The following ADARB1 variants were observed in gnomAD, a reference collection of about 807,000 sequenced individuals.
The protein encoded by ADARB1 is adenosine deaminase RNA specific B1.
ADARB1 carries 10 observed loss-of-function variants against 52.4 expected under a neutral mutation model. The observed-to-expected ratio is 0.19, with a 90% CI of 0.12 to 0.32. The LOEUF is 0.32. Ranked by LOEUF, ADARB1 falls within the 10% of genes least tolerant of loss-of-function variation. The probability of loss-of-function intolerance (pLI) is 1.00; values close to 1 mark genes in which losing one functional copy is unlikely to be tolerated. For missense variants in ADARB1, 643 were observed against 922.3 expected (o/e 0.70, Z 3.92); for synonymous variants, 349 against 371.1 (o/e 0.94, Z 0.68).
intron 1 of ADARB1, among the ~76,000 whole-genome samples, chr21:45,094,510 C>T (rs1008555146): frequency 1.1e-4 from 17 of 152,210 alleles, no homozygotes; most frequent in Non-Finnish European, 2.2e-4. Context: ...GCCTCACTCA[C>T]GTGCTGCCAG....
Position 45,176,535 on chromosome 21 carries a change from G to T in ADARB1, c.834G>T (p.Gly278=). The change falls in exon 4 of 11, where the codon GGG becomes GGT. Residue 278 remains glycine (G), a synonymous_variant. Coordinates refer to ENST00000348831, the MANE Select transcript of ADARB1 (RefSeq NM_001112.4). This position sits in a 1 kb window ranked among gnomAD's most constrained non-coding sequence, Gnocchi z 5.8. ...VVDGQFFEGS[G]RNKKLAKARA... ...ATGGTCAGTTCTTTGAAGGCTCGGG[G>T]AGAAACAAGAAGCTTGCCAAGGCCC... The T allele has an allele frequency of 1.9e-6, 3 of 1,614,238 alleles. No homozygotes were observed. Among genetic ancestry groups the T allele is most frequent in the Non-Finnish European group, 2.5e-6 (3 of 1,180,048 alleles).
chr21:45,121,435 C>T (rs2088179522), intron 1 of ADARB1, among the ~76,000 whole-genome samples: 1 of 152,194 alleles, frequency 6.6e-6, no homozygotes, highest in South Asian at 2.1e-4. Context: ...GGTCTCTTCC[C>T]TGGGCCCTGG....
At chr21:45,184,808 G>A in intron 7 of ADARB1, 115 bp from the exon 8 acceptor site, 1 of 1,124,296 alleles carries the variant, frequency 8.9e-7, no homozygotes, top group Non-Finnish European at 1.3e-6. Context: ...ATAAACATAT[G>A]CATTTATATG....
In ADARB1 at chr21:45,074,602, GGCGGCGGCGGCGGCGGCGGCA is replaced by G. The variant is rs1381965632; in HGVS notation, c.-402_-382del. ...GCTGAGGCGCTGAGGCGGCCGTGGC[GGCGGCGGCGGCGGCGGCGGCA>G]GCGGCGGCCAAGCGGCCAGGTTGGC... On this transcript the variant is annotated 5_prime_UTR_variant, in exon 1 of 11. Transcript: ENST00000348831. 4 of 145,616 alleles carry G rather than the reference GGCGGCGGCGGCGGCGGCGGCA, an allele frequency of 2.7e-5. No homozygotes were observed. Among genetic ancestry groups the G allele is most frequent in the Non-Finnish European group, 5.9e-5 (4 of 68,236 alleles). The allele number at this position is 145,616 out of a possible 1,614,324, so 9.0% of individuals were successfully genotyped here.
At chr21:45,147,372 G>T (rs1263007934) in intron 2 of ADARB1, among the ~76,000 whole-genome samples, 1 of 152,172 alleles carries the variant, frequency 6.6e-6, no homozygotes, top group African/African-American at 2.4e-5. Context: ...CTAATCCTGT[G>T]GGTTGCTTTT....
rs1203634590 is a variant in ADARB1, at chr21:45,074,768, C to CT, written c.-245_-244insT. ...AAGCGTGGGGCGCGCGTGCGGAGGA[C>CT]CAGGCGCGGCGCGGCTGCGGCTGAG... On this transcript the variant is annotated 5_prime_UTR_variant, in exon 1 of 11. Transcript: ENST00000348831. The CT allele has an allele frequency of 6.8e-6, 1 of 146,722 alleles. No individual in the cohort carries two copies. Among genetic ancestry groups the CT allele is most frequent in the Non-Finnish European group, 1.5e-5 (1 of 65,766 alleles). The allele number at this position is 146,722 out of a possible 1,614,324, so 9.1% of individuals were successfully genotyped here.
In ADARB1 at chr21:45,208,871, G is replaced by A. The variant is rs1038537374; in HGVS notation, c.1747+4135G>A. Among the ~76,000 whole-genome samples, 1 of 152,048 alleles carries A rather than the reference G, an allele frequency of 6.6e-6. No individual in the cohort carries two copies. Among genetic ancestry groups the A allele is most frequent in the Non-Finnish European group, 1.5e-5 (1 of 67,998 alleles). On this transcript the variant is annotated intron_variant, in intron 9 of 10. Coordinates refer to ENST00000348831, the MANE Select transcript of ADARB1 (RefSeq NM_001112.4). This position sits in a 1 kb window ranked among gnomAD's most constrained non-coding sequence, Gnocchi z 5.6. ...GCCATGAGTCATTGTAGAAGAGAAC[G>A]ACCACCAAGCTTGGCTCCAAGTACA...
At chr21:45,212,071 ATTTAGT>A (rs2092780175) in intron 9 of ADARB1, among the ~76,000 whole-genome samples, 1 of 152,138 alleles carries the variant, frequency 6.6e-6, no homozygotes, top group Non-Finnish European at 1.5e-5. Flanking sequence ...TTTGTTAATC[ATTTAGT>A]TTTAGTGAAA....
chr21:45,151,087 G>A (rs752951220), intron 2 of ADARB1, among the ~76,000 whole-genome samples: 3 of 152,180 alleles, frequency 2.0e-5, no homozygotes, highest in Non-Finnish European at 4.4e-5. Context: ...GGGGTCACTT[G>A]AAGTGTGTGG....
In ADARB1 at chr21:45,225,691, CT is replaced by C; in HGVS notation, c.*3497del. On this transcript the variant is annotated 3_prime_UTR_variant, in exon 11 of 11. Transcript: ENST00000348831. ...AGTGGCTCTTTTTCCTTCTCAAACA[CT>C]TTACCCCAGAAGCAGGTGGTCTGCC... is the stretch of plus-strand genomic sequence containing the variant. 1.2e-6 allele frequency: 1 copy of C among 805,156 alleles called. No homozygotes were observed. Among genetic ancestry groups the C allele is most frequent in the African/African-American group, 1.8e-5 (1 of 56,746 alleles). 49.9% of individuals were successfully genotyped at this position (805,156 alleles called of 1,614,324 possible).
At chr21:45,112,632 G>C (rs781776630) in intron 1 of ADARB1, among the ~76,000 whole-genome samples, 3 of 152,184 alleles carry the variant, frequency 2.0e-5, no homozygotes, top group Admixed American at 2.0e-4. Flanking sequence ...GTCTGCCCTG[G>C]TGTGAGGAGC....
chr21:45,092,113 G>A (rs1315247118), intron 1 of ADARB1, among the ~76,000 whole-genome samples: 1 of 152,124 alleles, frequency 6.6e-6, no homozygotes, highest in East Asian at 1.9e-4. Flanking sequence ...TTTGCTTCTG[G>A]GCCTGGATTA....
intron 1 of ADARB1, among the ~76,000 whole-genome samples, chr21:45,116,607 A>G (rs572982401): frequency 6.6e-6 from 1 of 152,376 alleles, no homozygotes; most frequent in Admixed American, 6.5e-5. Flanking sequence ...ACAGTTCAGC[A>G]TGACTGAGAA....
At chr21:45,169,034 G>A (rs1296564294) in intron 2 of ADARB1, among the ~76,000 whole-genome samples, 1 of 152,188 alleles carries the variant, frequency 6.6e-6, no homozygotes, top group African/African-American at 2.4e-5. Context: ...TCCCCACTGG[G>A]GCTCCCGGAT....
intron 4 of ADARB1, among the ~76,000 whole-genome samples, 154 bp from the exon 5 acceptor site, chr21:45,180,176 C>G (rs1359298143): frequency 6.6e-6 from 1 of 152,234 alleles, no homozygotes; most frequent in African/African-American, 2.4e-5. Flanking sequence ...AAGAAACATA[C>G]ACACATACTT....
intron 8 of ADARB1, among the ~76,000 whole-genome samples, chr21:45,189,406 A>G (rs984581411): frequency 6.6e-6 from 1 of 152,168 alleles, no homozygotes; most frequent in Non-Finnish European, 1.5e-5. Flanking sequence ...CACAAATTAC[A>G]TCTTTATATA....
chr21:45,141,274 C>T (rs1277627793), intron 2 of ADARB1, among the ~76,000 whole-genome samples: 1 of 152,060 alleles, frequency 6.6e-6, no homozygotes, highest in Non-Finnish European at 1.5e-5. Context: ...GCTTAATATT[C>T]CAAATAGGTA....
rs146698426 is a variant in ADARB1 at position 45,095,562 on chromosome 21, G to A, written c.-220+20769G>A. On this transcript the variant is annotated intron_variant, in intron 1 of 10. Coordinates refer to ENST00000348831, the MANE Select transcript of ADARB1 (RefSeq NM_001112.4). ...CTGTTTCAGGGTTCTGCATCCTGCT[G>A]TTTCAGGGTTCTGCATCCCGCTGTT... 8.7e-3 allele frequency among the ~76,000 whole-genome samples: 1,314 copies of A among 151,236 alleles called. 12 individuals carry two copies. The highest frequency in any genetic ancestry group is 0.014 in the Non-Finnish European group (935 of 67,390).
chr21:45,089,210 C>T (rs908579853), intron 1 of ADARB1, among the ~76,000 whole-genome samples: 2 of 152,232 alleles, frequency 1.3e-5, no homozygotes. Flanking sequence ...ACATACTTCT[C>T]CTCATGCTCA....
Sources: allele counts gnomAD v4.1 joint callset (sites outside exome capture counted in the v4.1 genomes callset), GRCh38; gene constraint gnomAD v4.1.1; non-coding constraint Gnocchi (gnomAD v3.1); transcripts MANE v1.5; gene names NCBI Gene and HGNC (gene_info 2026-07-23, HGNC 2026-07-21).